SYNE3: variants seen among roughly 807,000 people sequenced by gnomAD.
SYNE3 encodes the protein spectrin repeat containing nuclear envelope family member 3, also known as nesprin-3.
In SYNE3, 100 loss-of-function variants were observed where a neutral mutation model predicts 111.2. The ratio of observed to expected loss-of-function variants is 0.90; its 90% CI spans 0.77 to 1.06. The LOEUF (loss-of-function observed/expected upper bound fraction) is 1.06. Ranked by LOEUF, SYNE3 falls within the 50% of genes least tolerant of loss-of-function variation. The probability of loss-of-function intolerance (pLI) is 0.00; values close to 1 mark genes in which losing one functional copy is unlikely to be tolerated. For synonymous variants in SYNE3, 547 were observed against 533.9 expected (o/e 1.02, Z -0.34); for missense variants, 1,160 against 1,240.3 (o/e 0.94, Z 0.97).
At chr14:95,464,318 T>TTGG (rs1030594779) in intron 4 of SYNE3, among the ~76,000 whole-genome samples, 31 of 152,238 alleles carry the variant, frequency 2.0e-4, no homozygotes, top group Admixed American at 5.2e-4. Flanking sequence ...GCCTGAAGTC[T>TTGG]TAGTTACTAG....
At position 95,409,699 on chromosome 14, in the gene SYNE3, TCTTA is replaced by T; in HGVS notation, c.*8123_*8126del. On this transcript the variant is annotated 3_prime_UTR_variant, in exon 18 of 18. Coordinates refer to ENST00000682763, the MANE Select transcript of SYNE3 (RefSeq NM_152592.6). ...CTTTTAGAAACAAATTCCTCCTTGT[TCTTA>T]CTTTGAAAAACAGAAGTCGTTTCTC... 2 of 305,846 alleles carry T rather than the reference TCTTA, an allele frequency of 6.5e-6. No homozygotes were observed. Among genetic ancestry groups the T allele is most frequent in the Non-Finnish European group, 1.3e-5 (2 of 156,252 alleles). 18.9% of individuals were successfully genotyped at this position (305,846 alleles called of 1,614,324 possible).
intron 1 of SYNE3, among the ~76,000 whole-genome samples, chr14:95,482,630 G>C (rs1247095999): frequency 6.6e-6 from 1 of 152,060 alleles, no homozygotes; most frequent in Non-Finnish European, 1.5e-5. Context: ...CATGTGGCGG[G>C]CATTATTTGT....
intron 1 of SYNE3, among the ~76,000 whole-genome samples, chr14:95,488,553 C>A (rs756392950): frequency 6.6e-6 from 1 of 151,824 alleles, no homozygotes; most frequent in Non-Finnish European, 1.5e-5. Context: ...CAAGGCCAGG[C>A]GTGGTGGCTC....
chr14:95,514,588 G>C (rs1343547758), intron 1 of SYNE3, among the ~76,000 whole-genome samples: 1 of 152,246 alleles, frequency 6.6e-6, no homozygotes, highest in Admixed American at 6.5e-5. Context: ...GTGCTCATGA[G>C]GCCCTGCGAG....
At position 95,450,094 on chromosome 14, in the gene SYNE3, T is replaced by C; in HGVS notation, c.1286A>G (p.Lys429Arg). ...CGCGGCATTGCGCAGCCTCGCGCTC[T>C]TCACCTTCAGGCTGCAAGGAGCGTG... Reference protein sequence around the residue: ...TIQEYQSLKVKSARLRNAAAV... With the variant: ...TIQEYQSLKVRSARLRNAAAV... Residue 429 changes from lysine (K) to arginine (R), a missense_variant, in exon 8 of 18, where the codon AAG becomes AGG. By Grantham distance (26) the Lys-to-Arg change is conservative (BLOSUM62 2). Transcript: ENST00000682763. 1 of 1,575,892 alleles carries C rather than the reference T, an allele frequency of 6.3e-7. No individual in the cohort carries two copies. The highest frequency in any genetic ancestry group is 1.2e-5 in the South Asian group (1 of 85,866).
intron 4 of SYNE3, among the ~76,000 whole-genome samples, chr14:95,462,656 C>T (rs1319300723): frequency 6.6e-6 from 1 of 152,226 alleles, no homozygotes; most frequent in Non-Finnish European, 1.5e-5. Context: ...AGGGCTCCCT[C>T]TTCAGCAGCT....
At chr14:95,478,634 G>C (rs1889036461) in intron 1 of SYNE3, among the ~76,000 whole-genome samples, 1 of 152,218 alleles carries the variant, frequency 6.6e-6, no homozygotes, top group Non-Finnish European at 1.5e-5. Flanking sequence ...AAGGAAGAAT[G>C]GTCTGGGGGA....
At chr14:95,426,191 A>C (rs1885419012) in intron 17 of SYNE3, among the ~76,000 whole-genome samples, 1 of 152,226 alleles carries the variant, frequency 6.6e-6, no homozygotes, top group Non-Finnish European at 1.5e-5. Context: ...CTTGTTCACA[A>C]ATCATCAAAG....
chr14:95,444,450 G>A (rs374250791), intron 10 of SYNE3, 35 bp downstream of exon 10: 1 of 1,576,440 alleles, frequency 6.3e-7, no homozygotes, highest in African/African-American at 1.4e-5. Context: ...CTGAGCACCT[G>A]GGCAGGAGTG....
intron 14 of SYNE3, among the ~76,000 whole-genome samples, chr14:95,437,192 C>T (rs532906493): frequency 6.6e-6 from 1 of 152,328 alleles, no homozygotes; most frequent in African/African-American, 2.4e-5. Context: ...TTTCTGGTCC[C>T]CTGAGAGGTG....
rs781591151 is a variant in SYNE3, at chr14:95,457,267, T to C, written c.699A>G (p.Gln233=). 3.1e-6 allele frequency: 5 copies of C among 1,614,022 alleles called. No homozygotes were observed. The highest frequency in any genetic ancestry group is 2.2e-5 in the East Asian group (1 of 44,860). ...TCTCCACCACCGCCTTCAGCCACAG[T>C]TGGAACTCGTCCACACCTGCCTGGT... The part of the protein sequence containing the change: ...EEYQAGVDEF[Q]LWLKAVVEKV... Residue 233 remains glutamine, a synonymous_variant, in exon 5 of 18, where the codon CAA becomes CAG. Transcript: ENST00000682763.
rs59944497 is a variant in SYNE3, at chr14:95,513,737, T to TTATATATATATATATATATA, written c.-15+2839_-15+2858dup. ...TTGTGGTCCAGTCAGGCTGCTTAGA[T>TTATATATATATATATATATA]TATATATATATATATATATATATAT... On this transcript the variant is annotated intron_variant, in intron 1 of 17. Transcript: ENST00000682763. Among the ~76,000 whole-genome samples, 64 of 92,482 alleles carry TTATATATATATATATATATA rather than the reference T, an allele frequency of 6.9e-4. 2 individuals carry two copies. Among genetic ancestry groups the TTATATATATATATATATATA allele is most frequent in the Non-Finnish European group, 9.5e-4 (46 of 48,438 alleles). 60.7% of individuals were successfully genotyped at this position (92,482 alleles called of 152,430 possible). A position where few individuals can be genotyped will look rare whatever the true frequency, so the allele number is the denominator to read the frequency against.
intron 17 of SYNE3, among the ~76,000 whole-genome samples, chr14:95,427,224 A>T (rs1416687810): frequency 6.6e-6 from 1 of 152,092 alleles, no homozygotes; most frequent in Non-Finnish European, 1.5e-5. Context: ...AGTGTCTGGG[A>T]AGACGCCCAT....
intron 1 of SYNE3, among the ~76,000 whole-genome samples, chr14:95,490,284 T>A (rs1020558231): frequency 6.6e-6 from 1 of 152,252 alleles, no homozygotes; most frequent in Non-Finnish European, 1.5e-5. Flanking sequence ...ATAATAGCCA[T>A]GGGCTATAAC....
intron 1 of SYNE3, among the ~76,000 whole-genome samples, chr14:95,486,477 C>A (rs1461124884): frequency 1.3e-5 from 2 of 152,086 alleles, no homozygotes; most frequent in East Asian, 1.9e-4. Context: ...ACAGAGGGAC[C>A]CTCCCTGAAC....
chr14:95,504,599 C>A (rs974559937), intron 1 of SYNE3, among the ~76,000 whole-genome samples: 3 of 152,212 alleles, frequency 2.0e-5, no homozygotes, highest in African/African-American at 7.2e-5. Context: ...AAACCATCTC[C>A]CCACATCCTC....
At chr14:95,452,468 T>G (rs1340198578) in intron 6 of SYNE3, 85 bp from the exon 7 acceptor site, 1 of 1,443,246 alleles carries the variant, frequency 6.9e-7, no homozygotes, top group African/African-American at 1.4e-5. Context: ...GCGTGGCCAG[T>G]GGAGGTGGGC....
intron 17 of SYNE3, among the ~76,000 whole-genome samples, chr14:95,430,405 T>C (rs1470312980): frequency 6.6e-6 from 1 of 152,196 alleles, no homozygotes; most frequent in African/African-American, 2.4e-5. Flanking sequence ...GAAGTGTGTT[T>C]GTTATTCTAA....
chr14:95,488,039 A>C (rs1889636597), intron 1 of SYNE3, among the ~76,000 whole-genome samples: 1 of 152,150 alleles, frequency 6.6e-6, no homozygotes, highest in Admixed American at 6.5e-5. Context: ...GATTTTCTTA[A>C]TATCATTTTC....
Sources: gnomAD v4.1 joint callset for allele counts (sites outside exome capture counted in the v4.1 genomes callset) on GRCh38, gnomAD v4.1.1 for gene constraint, MANE v1.5 for transcripts, NCBI Gene and HGNC (gene_info 2026-07-23, HGNC 2026-07-21) for gene names.